HHIP: variants seen among roughly 807,000 people sequenced by gnomAD.
The protein encoded by HHIP is hedgehog interacting protein.
Under a neutral mutation model 74.0 loss-of-function variants are expected in HHIP, and 12 were observed. That is an observed-to-expected ratio of 0.16 (90% CI 0.10 to 0.26). The LOEUF (loss-of-function observed/expected upper bound fraction) is 0.26, where lower values mean the gene tolerates loss of function less well. HHIP is among the 10% of genes least tolerant of loss of function. The probability of loss-of-function intolerance (pLI) is 1.00; values close to 1 mark genes in which losing one functional copy is unlikely to be tolerated. For synonymous variants in HHIP, 309 were observed against 311.6 expected (o/e 0.99, Z 0.09); for missense variants, 788 against 845.0 (o/e 0.93, Z 0.84).
chr4:144,717,741 C>T (rs547373535), intron 10 of HHIP, among the ~76,000 whole-genome samples: 1 of 152,174 alleles, frequency 6.6e-6, no homozygotes, highest in East Asian at 1.9e-4. Flanking sequence ...CAAGGTCTCT[C>T]TCTCTCTCTT....
Position 144,744,388 on chromosome 4 carries a change from C to T in HHIP, c.*6431C>T, listed in dbSNP as rs1311761509. On this transcript the variant is annotated 3_prime_UTR_variant, in exon 13 of 13. Coordinates refer to ENST00000296575, the MANE Select transcript of HHIP (RefSeq NM_022475.3). The stretch of plus-strand genomic sequence containing the variant: ...TTTGGTTTCTCTAATGGTTCATTTT[C>T]CTTTAGCTTGTGAAAATTAGGGCAG... 1 of 152,084 alleles carries T rather than the reference C, an allele frequency of 6.6e-6. No individual in the cohort carries two copies. The highest frequency in any genetic ancestry group is 1.5e-5 in the Non-Finnish European group (1 of 68,016). The allele number at this position is 152,084 out of a possible 1,614,324, so 9.4% of individuals were successfully genotyped here.
chr4:144,650,838 A>C (rs1728399852), intron 1 of HHIP: 1 of 152,158 alleles, frequency 6.6e-6, no homozygotes, highest in South Asian at 2.1e-4. Context: ...TGTAAAAGAC[A>C]AAATTCCTTA....
chr4:144,701,968 ATGT>A (rs1729998948), intron 4 of HHIP, among the ~76,000 whole-genome samples: 1 of 152,158 alleles, frequency 6.6e-6, no homozygotes, highest in South Asian at 2.1e-4. Context: ...ACAATGAAAG[ATGT>A]TGTCCTATAA....
intron 4 of HHIP, among the ~76,000 whole-genome samples, chr4:144,697,111 C>A (rs900217857): frequency 1.3e-4 from 19 of 151,910 alleles, no homozygotes; most frequent in South Asian, 6.2e-4. Context: ...GGTTACAAAG[C>A]TTTTTCTAAT....
At chr4:144,695,847 T>C (rs1729802715) in intron 4 of HHIP, among the ~76,000 whole-genome samples, 1 of 151,878 alleles carries the variant, frequency 6.6e-6, no homozygotes, top group South Asian at 2.1e-4. Flanking sequence ...ATCAAAAGTA[T>C]GTGGTGAGCC....
chr4:144,702,082 G>A (rs1470396444), intron 4 of HHIP, among the ~76,000 whole-genome samples: 1 of 152,118 alleles, frequency 6.6e-6, no homozygotes, highest in Non-Finnish European at 1.5e-5. Context: ...GAGCCCAGAA[G>A]TTCAAGGCTG....
At chr4:144,691,256 T>C (rs1358114086) in intron 4 of HHIP, among the ~76,000 whole-genome samples, 1 of 152,244 alleles carries the variant, frequency 6.6e-6, no homozygotes, top group East Asian at 1.9e-4. Context: ...AACATCAATA[T>C]GGCCTTATAT....
intron 4 of HHIP, among the ~76,000 whole-genome samples, chr4:144,698,002 C>G (rs1413785762): frequency 6.6e-6 from 1 of 152,092 alleles, no homozygotes; most frequent in Non-Finnish European, 1.5e-5. Flanking sequence ...TGTGGAATCT[C>G]TTTTATTCTT....
intron 4 of HHIP, among the ~76,000 whole-genome samples, chr4:144,701,197 G>C (rs1201575311): frequency 6.6e-6 from 1 of 152,026 alleles, no homozygotes; most frequent in Non-Finnish European, 1.5e-5. Context: ...AATTTTACCA[G>C]AGAGCTTCAT....
chr4:144,726,533 C>A (rs1463290152), intron 11 of HHIP, among the ~76,000 whole-genome samples: 1 of 152,074 alleles, frequency 6.6e-6, no homozygotes, highest in Non-Finnish European at 1.5e-5. Flanking sequence ...TATAAATTGC[C>A]AAATTAATGA....
chr4:144,730,969 C>T (rs773466632), intron 11 of HHIP, among the ~76,000 whole-genome samples: 1 of 152,126 alleles, frequency 6.6e-6, no homozygotes, highest in Non-Finnish European at 1.5e-5. Context: ...ATCTCATGCT[C>T]ACCTTGACTT....
Position 144,708,326 on chromosome 4 carries a change from C to T in HHIP, c.1301+15C>T, listed in dbSNP as rs1464892263. Reference sequence around the variant, plus strand: ...GATCCAGGCAGGTGAGAACACAAGTCTGTCTTCTCACTGGCTTTTAAGCCA... The same window carrying T: ...GATCCAGGCAGGTGAGAACACAAGTTTGTCTTCTCACTGGCTTTTAAGCCA... On this transcript the variant is annotated intron_variant, in intron 7 of 12. Transcript: ENST00000296575. 6.2e-7 allele frequency: 1 copy of T among 1,613,666 alleles called. No homozygotes were observed. Among genetic ancestry groups the T allele is most frequent in the Non-Finnish European group, 8.5e-7 (1 of 1,179,732 alleles).
intron 7 of HHIP, among the ~76,000 whole-genome samples, chr4:144,710,616 G>A (rs1464984852): frequency 1.3e-5 from 2 of 151,930 alleles, no homozygotes; most frequent in Admixed American, 6.6e-5. Context: ...AATATATTTT[G>A]TTGGCCTAGA....
intron 4 of HHIP, among the ~76,000 whole-genome samples, chr4:144,704,270 A>T (rs1315944560): frequency 6.6e-6 from 1 of 152,194 alleles, no homozygotes; most frequent in East Asian, 1.9e-4. Context: ...TGACCCAAAA[A>T]TGAGATCATA....
intron 11 of HHIP, among the ~76,000 whole-genome samples, chr4:144,722,237 G>A (rs943380897): frequency 2.0e-5 from 3 of 152,126 alleles, no homozygotes; most frequent in African/African-American, 7.2e-5. Flanking sequence ...GTCAAGATTG[G>A]GAGCAAGTCT....
In HHIP at chr4:144,687,512, A is replaced by G. The variant is rs374320610; in HGVS notation, c.832-19019A>G. Reference sequence around the variant, plus strand: ...ACAGAGGATATTTTTGTCTCCTGCAAGTAGGAATCAAGAAAGTTTACTAGA... The same window carrying G: ...ACAGAGGATATTTTTGTCTCCTGCAGGTAGGAATCAAGAAAGTTTACTAGA... On this transcript the variant is annotated intron_variant, in intron 4 of 12. Transcript: ENST00000296575. Among the ~76,000 whole-genome samples, 28 of 152,308 alleles carry G rather than the reference A, an allele frequency of 1.8e-4. 1 individual carries two copies. The highest frequency in any genetic ancestry group is 1.4e-3 in the East Asian group (7 of 5,180).
Position 144,659,785 on chromosome 4 carries a change from A to G in HHIP, c.778A>G (p.Ile260Val), listed in dbSNP as rs1728660899. Residue 260 changes from isoleucine to valine, a missense_variant, in exon 4 of 13, where the codon ATT becomes GTT. Transcript: ENST00000296575. ...GAAGATACTTACCCCTGAAGGAGAA[A>G]TTTTCAAGGAGCCTTATTTGGACAT... ...YVKILTPEGE[I>V]FKEPYLDIHK... 3 of 1,611,286 alleles carry G rather than the reference A, an allele frequency of 1.9e-6. No homozygotes were observed. The highest frequency in any genetic ancestry group is 2.5e-6 in the Non-Finnish European group (3 of 1,179,314).
Position 144,652,627 on chromosome 4 carries a change from C to T in HHIP, c.302C>T (p.Thr101Ile), listed in dbSNP as rs1388508230. Residue 101 changes from threonine to isoleucine, a missense_variant, in exon 2 of 13, where the codon ACA (threonine) becomes ATA (isoleucine). Thr to Ile is a moderately conservative substitution (Grantham distance 89). This residue lies in a region of HHIP where 373 missense variants were observed against 366.4 expected (regional missense o/e 1.02). Transcript: ENST00000296575. ...CAGATATTTTCTGTTACCAACAACA[C>T]AGAATGTGGGAAGTTACTGGAGGAA... is the stretch of plus-strand genomic sequence containing the variant. ...ENKIFSVTNN[T>I]ECGKLLEEIK... The T allele has an allele frequency of 2.5e-6, 4 of 1,607,508 alleles. No individual in the cohort carries two copies. Among genetic ancestry groups the T allele is most frequent in the South Asian group, 1.1e-5 (1 of 89,292 alleles).
chr4:144,722,354 A>G (rs1014531231), intron 11 of HHIP, among the ~76,000 whole-genome samples: 2 of 152,170 alleles, frequency 1.3e-5, no homozygotes, highest in Admixed American at 6.5e-5. Flanking sequence ...CATCAAAAAT[A>G]TATAGAAGAT....
Sources: gnomAD v4.1 joint callset for allele counts (sites outside exome capture counted in the v4.1 genomes callset) on GRCh38, gnomAD v4.1.1 for gene constraint, gnomAD v4.1.1 regional missense constraint, MANE v1.5 for transcripts, NCBI Gene and HGNC (gene_info 2026-07-23, HGNC 2026-07-21) for gene names.